LRMDA: variants seen among roughly 807,000 people sequenced by gnomAD.
LRMDA encodes the protein leucine rich melanocyte differentiation associated.
Under a neutral mutation model 29.8 loss-of-function variants are expected in LRMDA, and 18 were observed. The observed-to-expected ratio is 0.60, with a 90% confidence interval of 0.42 to 0.90. The LOEUF (loss-of-function observed/expected upper bound fraction) is 0.90, where lower values mean the gene tolerates loss of function less well. LRMDA is among the 40% of genes least tolerant of loss of function. The pLI is 0.00. For synonymous variants in LRMDA, 125 were observed against 109.4 expected, an observed-to-expected ratio of 1.14 and a Z score of -0.89; for missense variants, 273 against 273.9, an observed-to-expected ratio of 1.00 and a Z score of 0.02.
chr10:76,358,771 A>G (rs1366652504), intron 6 of LRMDA, among the ~76,000 whole-genome samples: 1 of 152,252 alleles, frequency 6.6e-6, no homozygotes, highest in Non-Finnish European at 1.5e-5. Flanking sequence ...TCAGGCATCT[A>G]GAGCAGAGAG....
chr10:76,164,995 G>T lies in LRMDA; in HGVS notation c.516+106212G>T, dbSNP rs12262061. On this transcript the variant is annotated intron_variant, in intron 5 of 6. Coordinates refer to ENST00000611255, the MANE Select transcript of LRMDA (RefSeq NM_001305581.2). ...TGTTTTTGTTTTTGTTTATTGAGAC[G>T]AAGTCTTGCTCTTGTCCCCCAGGCT... 7.1e-3 allele frequency among the ~76,000 whole-genome samples: 1,085 copies of T among 152,264 alleles called. 13 individuals carry two copies. The highest frequency in any genetic ancestry group is 0.024 in the African/African-American group (1,008 of 41,562).
chr10:76,070,705 T>C (rs999416929), intron 5 of LRMDA, among the ~76,000 whole-genome samples: 3 of 152,076 alleles, frequency 2.0e-5, no homozygotes, highest in Non-Finnish European at 2.9e-5. Context: ...TTAAATGAAA[T>C]ACTTCTGCTC....
chr10:75,934,872 G>T (rs1278423720), intron 2 of LRMDA, among the ~76,000 whole-genome samples: 1 of 152,176 alleles, frequency 6.6e-6, no homozygotes, highest in Non-Finnish European at 1.5e-5. Context: ...TACAACAGTT[G>T]GAGCCAATCT....
intron 2 of LRMDA, among the ~76,000 whole-genome samples, chr10:75,846,166 T>G (rs1161205389): frequency 1.6e-5 from 2 of 128,434 alleles, no homozygotes; most frequent in Non-Finnish European, 3.2e-5. Context: ...GTTACTTATT[T>G]GTGTGTGTGT....
intron 2 of LRMDA, among the ~76,000 whole-genome samples, chr10:75,684,966 G>T (rs1842064823): frequency 1.3e-5 from 2 of 152,176 alleles, no homozygotes; most frequent in African/African-American, 2.4e-5. Flanking sequence ...TTCTTAACAT[G>T]CCCTCTGCTT....
At chr10:76,074,769 A>C (rs1414491636) in intron 5 of LRMDA, among the ~76,000 whole-genome samples, 1 of 151,740 alleles carries the variant, frequency 6.6e-6, no homozygotes, top group African/African-American at 2.4e-5. Flanking sequence ...AAATTCATTG[A>C]CCCTTGATGT....
chr10:75,816,150 T>G (rs1844055721), intron 2 of LRMDA, among the ~76,000 whole-genome samples: 1 of 152,188 alleles, frequency 6.6e-6, no homozygotes, highest in African/African-American at 2.4e-5. Context: ...TCCATTATGG[T>G]TTCTTACTTT....
chr10:76,512,252 T>C (rs1380844785), intron 6 of LRMDA, among the ~76,000 whole-genome samples: 1 of 152,214 alleles, frequency 6.6e-6, no homozygotes, highest in East Asian at 1.9e-4. Context: ...ATTAAACCTC[T>C]TTTTCTTCCC....
At chr10:75,475,145 G>C (rs1039433082) in intron 2 of LRMDA, among the ~76,000 whole-genome samples, 9 of 152,190 alleles carry the variant, frequency 5.9e-5, no homozygotes, top group African/African-American at 2.2e-4. Context: ...ATCTGATGGG[G>C]CCTGATGCTG....
intron 5 of LRMDA, among the ~76,000 whole-genome samples, chr10:76,127,635 T>G (rs1264829419): frequency 1.3e-5 from 2 of 152,028 alleles, no homozygotes; most frequent in African/African-American, 2.4e-5. Context: ...TTTAGTTTTT[T>G]GAATACACTC....
At chr10:76,100,214 C>A (rs2132101333) in intron 5 of LRMDA, among the ~76,000 whole-genome samples, 1 of 152,256 alleles carries the variant, frequency 6.6e-6, no homozygotes, top group South Asian at 2.1e-4. Context: ...CAGAACTTTG[C>A]TCCTTAGTTC....
At chr10:75,802,946 G>T (rs1843780204) in intron 2 of LRMDA, among the ~76,000 whole-genome samples, 1 of 107,532 alleles carries the variant, frequency 9.3e-6, no homozygotes, top group Non-Finnish European at 2.1e-5. Context: ...GTGTGTGTGT[G>T]TGTGTGTGTA....
intron 2 of LRMDA, among the ~76,000 whole-genome samples, chr10:75,614,732 T>G (rs1271308825): frequency 6.6e-6 from 1 of 152,010 alleles, no homozygotes; most frequent in Non-Finnish European, 1.5e-5. Context: ...GTGTTACTCA[T>G]GATGCACTGT....
chr10:76,299,196 C>T (rs189265197), intron 5 of LRMDA, among the ~76,000 whole-genome samples: 111 of 138,918 alleles, frequency 8.0e-4, no homozygotes, highest in African/African-American at 3.1e-3. Context: ...TGTGCATGCA[C>T]GCACGCGCAA....
intron 2 of LRMDA, among the ~76,000 whole-genome samples, chr10:75,644,977 C>A (rs923469627): frequency 1.5e-5 from 2 of 132,040 alleles, no homozygotes; most frequent in Admixed American, 1.8e-4. Flanking sequence ...CTCTGTGTTA[C>A]TTATTTTACT....
Position 76,084,364 on chromosome 10 carries a change from A to ATTT in LRMDA, c.516+25610_516+25612dup, listed in dbSNP as rs71024586. ...GGGTATGTGCCACTGCGCCCAGCTA[A>ATTT]TTTTTTTTTTTTTTTTTTTTTTTTT... On this transcript the variant is annotated intron_variant, in intron 5 of 6. Transcript: ENST00000611255. 8.4e-3 allele frequency among the ~76,000 whole-genome samples: 599 copies of ATTT among 70,910 alleles called. 37 individuals carry two copies. The highest frequency in any genetic ancestry group is 0.012 in the Non-Finnish European group (467 of 38,640). 46.5% of individuals were successfully genotyped at this position (70,910 alleles called of 152,430 possible). A position where few individuals can be genotyped will look rare whatever the true frequency, so the allele number is the denominator to read the frequency against.
At chr10:76,109,839 C>T (rs1849547775) in intron 5 of LRMDA, among the ~76,000 whole-genome samples, 1 of 152,158 alleles carries the variant, frequency 6.6e-6, no homozygotes, top group South Asian at 2.1e-4. Context: ...GCTTTAGTGA[C>T]CTATGTGGCT....
At chr10:75,966,509 A>C (rs892759841) in intron 2 of LRMDA, among the ~76,000 whole-genome samples, 3 of 152,148 alleles carry the variant, frequency 2.0e-5, no homozygotes, top group Non-Finnish European at 4.4e-5. Flanking sequence ...TACCCAGTAC[A>C]TTGTTCATTC....
At chr10:75,685,485 C>T (rs1472342044) in intron 2 of LRMDA, among the ~76,000 whole-genome samples, 1 of 152,144 alleles carries the variant, frequency 6.6e-6, no homozygotes, top group Non-Finnish European at 1.5e-5. Flanking sequence ...AGAGAGAGGG[C>T]CAAGCTGAGT....
Sources: allele counts gnomAD v4.1 joint callset (sites outside exome capture counted in the v4.1 genomes callset), GRCh38; gene constraint gnomAD v4.1.1; transcripts MANE v1.5; gene names NCBI Gene and HGNC (gene_info 2026-07-23, HGNC 2026-07-21).